SLC36A1: variants seen among roughly 807,000 people sequenced by gnomAD.
SLC36A1 encodes the protein solute carrier family 36 member 1, also known as proton-coupled amino acid transporter 1.
A neutral mutation model predicts 47.5 loss-of-function variants in SLC36A1; 30 were observed. The observed-to-expected ratio is 0.63, with a 90% CI of 0.47 to 0.86. SLC36A1 has a LOEUF of 0.86. SLC36A1 is among the 40% of genes least tolerant of loss of function. The pLI, the probability that SLC36A1 is intolerant of heterozygous loss-of-function variation, is 0.00. For synonymous variants in SLC36A1, 255 were observed against 249.7 expected, an observed-to-expected ratio of 1.02 and a Z score of -0.20; for missense variants, 517 against 606.0, an observed-to-expected ratio of 0.85 and a Z score of 1.54.
the SLC36A1 span, among the ~76,000 whole-genome samples, chr5:151,361,000 G>A: frequency 6.6e-6 from 1 of 152,242 alleles, no homozygotes; most frequent in South Asian, 2.1e-4. Context: ...GTTGTATTAG[G>A]TTGGTGCAAA....
At chr5:151,380,879 A>ATT in the SLC36A1 span, 1 of 431,410 alleles carries the variant, frequency 2.3e-6, no homozygotes, top group Non-Finnish European at 4.6e-6. Context: ...GGATGTGAAG[A>ATT]AAGTCCAAGG....
the SLC36A1 span, chr5:151,380,294 G>A: frequency 3.7e-6 from 1 of 267,898 alleles, no homozygotes; most frequent in East Asian, 8.5e-5. Flanking sequence ...AGACCAGCTT[G>A]GCCAACGTGG....
the SLC36A1 span, among the ~76,000 whole-genome samples, chr5:151,356,974 T>C: frequency 2.0e-5 from 3 of 152,088 alleles, no homozygotes; most frequent in Non-Finnish European, 4.4e-5. Flanking sequence ...GGTGCTCCCA[T>C]AGGTAGAGGA....
At chr5:151,536,809 C>A in the SLC36A1 span, among the ~76,000 whole-genome samples, 1 of 152,216 alleles carries the variant, frequency 6.6e-6, no homozygotes, top group Non-Finnish European at 1.5e-5. Context: ...GGCCATGACA[C>A]TCACCTGCCT....
chr5:151,351,384 A>G, the SLC36A1 span, among the ~76,000 whole-genome samples: 4 of 146,442 alleles, frequency 2.7e-5, no homozygotes, highest in African/African-American at 1.0e-4. Flanking sequence ...CTCTGTCTCA[A>G]AAAAAAAAAA....
At chr5:151,401,989 T>A in the SLC36A1 span, among the ~76,000 whole-genome samples, 2 of 152,204 alleles carry the variant, frequency 1.3e-5, no homozygotes, top group African/African-American at 4.8e-5. Context: ...TTTCTTTCTC[T>A]TGTCTGATTG....
the SLC36A1 span, among the ~76,000 whole-genome samples, chr5:151,553,889 A>G: frequency 6.6e-6 from 1 of 152,242 alleles, no homozygotes; most frequent in African/African-American, 2.4e-5. Flanking sequence ...TTCACCTGCC[A>G]GATGAAATGC....
intron 7 of SLC36A1, among the ~76,000 whole-genome samples, chr5:151,468,450 A>T (rs1436936655): frequency 2.0e-5 from 3 of 146,872 alleles, no homozygotes; most frequent in Non-Finnish European, 4.5e-5. Context: ...ATATATACAT[A>T]ATATATATAT....
the SLC36A1 span, among the ~76,000 whole-genome samples, chr5:151,523,002 C>T: frequency 0.026 from 3,970 of 152,298 alleles, 71 homozygotes; most frequent in Non-Finnish European, 0.039. Context: ...CTGCAACTTC[C>T]TGCCTGACTT....
intron 10 of SLC36A1, among the ~76,000 whole-genome samples, chr5:151,486,646 T>G (rs1759596006): frequency 6.6e-6 from 1 of 152,198 alleles, no homozygotes; most frequent in Non-Finnish European, 1.5e-5. Flanking sequence ...CTTGACTGCA[T>G]TTTCGCTTTA....
At chr5:151,452,227 T>C (rs990543226) in intron 1 of SLC36A1, 3 of 152,228 alleles carry the variant, frequency 2.0e-5, no homozygotes, top group Non-Finnish European at 4.4e-5. Flanking sequence ...GTAAGTTGGA[T>C]GGAATTCTAT....
At chr5:151,458,623 A>T (rs896510798) in intron 1 of SLC36A1, among the ~76,000 whole-genome samples, 165 bp from the exon 2 acceptor site, 1 of 152,046 alleles carries the variant, frequency 6.6e-6, no homozygotes, top group African/African-American at 2.4e-5. Flanking sequence ...TGTACTTTGC[A>T]CTTTTCCATT....
At chr5:151,439,138 G>C (rs1432723647) in intron 1 of SLC36A1, among the ~76,000 whole-genome samples, 1 of 149,754 alleles carries the variant, frequency 6.7e-6, no homozygotes, top group Non-Finnish European at 1.5e-5. Flanking sequence ...GAGAGAGAGT[G>C]CAGGGGAAAC....
At chr5:151,466,519 T>C (rs1232429416) in intron 5 of SLC36A1, among the ~76,000 whole-genome samples, 2 of 150,170 alleles carry the variant, frequency 1.3e-5, no homozygotes, top group Non-Finnish European at 2.9e-5. Flanking sequence ...GAACGGTCTA[T>C]AATTTAATCA....
intron 10 of SLC36A1, 41 bp from the exon 11 acceptor site, chr5:151,487,942 G>C (rs1302784813): frequency 1.9e-6 from 3 of 1,609,014 alleles, no homozygotes; most frequent in Non-Finnish European, 2.5e-6. Flanking sequence ...ACCTTTCCCA[G>C]CTCTGGGCAT....
At chr5:151,448,234 C>T (rs910804872) in intron 1 of SLC36A1, among the ~76,000 whole-genome samples, 5 of 152,202 alleles carry the variant, frequency 3.3e-5, no homozygotes, top group African/African-American at 1.2e-4. Flanking sequence ...GGGGTAAGGG[C>T]TTGCCTAAGG....
At chr5:151,437,998 TG>T (rs1759872883) in intron 1 of SLC36A1, among the ~76,000 whole-genome samples, 1 of 152,166 alleles carries the variant, frequency 6.6e-6, no homozygotes, top group Non-Finnish European at 1.5e-5. Context: ...CTGACCCTCC[TG>T]CCTCCCTCCT....
the SLC36A1 span, among the ~76,000 whole-genome samples, chr5:151,427,971 C>T: frequency 3.9e-5 from 6 of 152,132 alleles, no homozygotes; most frequent in Admixed American, 2.0e-4. Flanking sequence ...GTCCAGAGGC[C>T]ACTGCAGCAG....
the SLC36A1 span, chr5:151,554,273 G>T: frequency 1.7e-6 from 2 of 1,210,218 alleles, no homozygotes; most frequent in Non-Finnish European, 2.3e-6. Context: ...CCTTATGCTG[G>T]TGGGCTGTCT....
Sources: allele counts gnomAD v4.1 joint callset (sites outside exome capture counted in the v4.1 genomes callset), GRCh38; gene constraint gnomAD v4.1.1; transcripts MANE v1.5; gene names NCBI Gene and HGNC (gene_info 2026-07-23, HGNC 2026-07-21).